The following CHLSN variants were observed in gnomAD, a reference collection of about 807,000 sequenced individuals.
CHLSN encodes the protein cholesin, also known as protein cholesin.
the CHLSN span, among the ~76,000 whole-genome samples, chr7:1,011,205 GACACGGAC>G: frequency 6.6e-5 from 5 of 76,318 alleles, no homozygotes; most frequent in African/African-American, 3.0e-4. Context: ...CACACCCACA[GACACGGAC>G]ACATACCCAC....
chr7:1,028,817 G>C, the CHLSN span: 62,978 of 742,492 alleles, frequency 0.085, 3,119 homozygotes, highest in Middle Eastern at 0.13. Context: ...TGACTCCATG[G>C]CCCCCATCTC....
chr7:988,897 C>A, the CHLSN span: 1 of 949,622 alleles, frequency 1.1e-6, no homozygotes, highest in Non-Finnish European at 1.5e-6. Flanking sequence ...TCTCCTCCCA[C>A]CCCACAGCTC....
the CHLSN span, chr7:986,920 G>T: frequency 7.6e-7 from 1 of 1,311,300 alleles, no homozygotes; most frequent in Admixed American, 3.0e-5. Flanking sequence ...CTGGCTGGGG[G>T]CCTCTCAGAG....
the CHLSN span, among the ~76,000 whole-genome samples, chr7:1,013,860 A>G: frequency 6.6e-6 from 1 of 152,260 alleles, no homozygotes; most frequent in Non-Finnish European, 1.5e-5. Context: ...ACAGAAAAAT[A>G]AAAATTCCAG....
the CHLSN span, among the ~76,000 whole-genome samples, chr7:1,017,037 C>G: frequency 1.3e-5 from 2 of 152,236 alleles, no homozygotes; most frequent in South Asian, 2.1e-4. Context: ...CACCCACGCA[C>G]CCTGGTCCTC....
the CHLSN span, among the ~76,000 whole-genome samples, chr7:1,121,100 G>C: frequency 6.6e-6 from 1 of 152,232 alleles, no homozygotes; most frequent in South Asian, 2.1e-4. Flanking sequence ...GAAGGAGGGA[G>C]CCGGCCTCCC....
At chr7:1,031,431 G>T in the CHLSN span, among the ~76,000 whole-genome samples, 1 of 121,698 alleles carries the variant, frequency 8.2e-6, no homozygotes, top group African/African-American at 3.1e-5. Context: ...AGTGGTCCGG[G>T]GGGGCAGAGA....
At chr7:1,081,774 G>A in the CHLSN span, among the ~76,000 whole-genome samples, 1 of 148,452 alleles carries the variant, frequency 6.7e-6, no homozygotes, top group Admixed American at 6.6e-5. Context: ...GGAGGGACAG[G>A]GAGGCCTCTC....
chr7:1,007,065 G>C, the CHLSN span, among the ~76,000 whole-genome samples: 1 of 152,178 alleles, frequency 6.6e-6, no homozygotes, highest in Non-Finnish European at 1.5e-5. Flanking sequence ...GACGTGTCTT[G>C]GGGGCAGAGC....
the CHLSN span, among the ~76,000 whole-genome samples, chr7:1,097,268 T>C: frequency 6.6e-6 from 1 of 152,100 alleles, no homozygotes; most frequent in Non-Finnish European, 1.5e-5. The surrounding 1 kb of genome is among the most constrained non-coding windows in gnomAD (Gnocchi z 4.3). Flanking sequence ...ATGGCTGATT[T>C]GGGCCGGGGC....
At chr7:1,037,567 A>G in the CHLSN span, among the ~76,000 whole-genome samples, 1 of 146,382 alleles carries the variant, frequency 6.8e-6, no homozygotes, top group Non-Finnish European at 1.5e-5. Flanking sequence ...CCCAGGCTGG[A>G]GTGCAGTGGC....
chr7:1,061,117 C>A, the CHLSN span, among the ~76,000 whole-genome samples: 4 of 152,212 alleles, frequency 2.6e-5, no homozygotes, highest in East Asian at 7.7e-4. Flanking sequence ...TTACACCATC[C>A]AACTATCCTC....
the CHLSN span, chr7:1,092,557 G>A: frequency 9.9e-6 from 16 of 1,609,830 alleles, no homozygotes; most frequent in East Asian, 1.3e-4. Flanking sequence ...GCCGGAGAAC[G>A]TCTTCATCAG....
At chr7:1,057,497 C>A in the CHLSN span, 4 of 753,264 alleles carry the variant, frequency 5.3e-6, no homozygotes, top group Admixed American at 3.5e-5. Flanking sequence ...CGCAGGGTCG[C>A]GGAGCCTCGC....
chr7:1,091,726 G>A, the CHLSN span: 7 of 1,523,788 alleles, frequency 4.6e-6, no homozygotes, highest in African/African-American at 8.3e-5. Flanking sequence ...ACGGTGCAGA[G>A]ACATGGATGT....
the CHLSN span, chr7:997,869 A>G: frequency 6.9e-7 from 1 of 1,447,666 alleles, no homozygotes; most frequent in African/African-American, 1.5e-5. Context: ...ACAGCAGGAG[A>G]CAAGACGCTG....
the CHLSN span, among the ~76,000 whole-genome samples, chr7:1,107,783 C>A: frequency 6.7e-6 from 1 of 150,352 alleles, no homozygotes; most frequent in African/African-American, 2.4e-5. Flanking sequence ...GTGTCCCACA[C>A]TGGAGTCCTG....
chr7:1,036,777 C>T, the CHLSN span, among the ~76,000 whole-genome samples: 1 of 124,640 alleles, frequency 8.0e-6, no homozygotes, highest in African/African-American at 2.5e-5. Flanking sequence ...ATTTCTGGCT[C>T]TGAAGGCGAA....
chr7:1,107,428 C>T, the CHLSN span, among the ~76,000 whole-genome samples: 1 of 152,224 alleles, frequency 6.6e-6, no homozygotes, highest in Non-Finnish European at 1.5e-5. Context: ...GACTCTGCCT[C>T]CTGCTTCTTA....
Sources: gnomAD v4.1 joint callset for allele counts (sites outside exome capture counted in the v4.1 genomes callset) on GRCh38, gnomAD v4.1.1 for gene constraint, Gnocchi (gnomAD v3.1) non-coding constraint, MANE v1.5 for transcripts, NCBI Gene and HGNC (gene_info 2026-07-23, HGNC 2026-07-21) for gene names.